Variants in THSD7B observed in about 807,000 individuals in gnomAD.
The protein encoded by THSD7B is thrombospondin type-1 domain-containing protein 7B.
Under a neutral mutation model 213.6 loss-of-function variants are expected in THSD7B, and 138 were observed. The ratio of observed to expected loss-of-function variants is 0.65; its 90% CI spans 0.56 to 0.74. The LOEUF (loss-of-function observed/expected upper bound fraction) is 0.74. THSD7B is among the 30% of genes least tolerant of loss of function. THSD7B has a pLI of 0.00. For synonymous variants in THSD7B, 742 were observed against 687.0 expected (o/e 1.08, Z -1.25); for missense variants, 1,931 against 1,991.5 (o/e 0.97, Z 0.58).
chr2:137,276,665 A>G (rs1682882854), intron 12 of THSD7B, among the ~76,000 whole-genome samples: 2 of 152,120 alleles, frequency 1.3e-5, no homozygotes, highest in African/African-American at 4.8e-5. Context: ...TATTTCATTC[A>G]TAATCCAGGT....
chr2:136,834,752 G>A (rs1289301594), intron 1 of THSD7B, among the ~76,000 whole-genome samples: 2 of 152,146 alleles, frequency 1.3e-5, no homozygotes, highest in Non-Finnish European at 2.9e-5. Flanking sequence ...GAGCACAACA[G>A]TTAGCACTGT....
intron 14 of THSD7B, among the ~76,000 whole-genome samples, chr2:137,431,962 C>T (rs1039735865): frequency 9.9e-5 from 15 of 152,162 alleles, no homozygotes; most frequent in African/African-American, 3.4e-4. Flanking sequence ...AACCTACTTC[C>T]TGACTAAGAG....
chr2:137,168,920 G>A (rs1254817380), intron 6 of THSD7B, among the ~76,000 whole-genome samples: 1 of 152,078 alleles, frequency 6.6e-6, no homozygotes, highest in Admixed American at 6.6e-5. Flanking sequence ...TCCTTTCAAG[G>A]TGGCTTAGGA....
chr2:137,455,302 G>T (rs1573635787), intron 15 of THSD7B, among the ~76,000 whole-genome samples: 1 of 152,112 alleles, frequency 6.6e-6, no homozygotes, highest in Non-Finnish European at 1.5e-5. Context: ...GCTGTGATTT[G>T]TCATTAGAAT....
Position 137,148,402 on chromosome 2 carries a change from CTG to C in THSD7B, c.1370-11810_1370-11809del, listed in dbSNP as rs542514211. Among the ~76,000 whole-genome samples, 65 of 152,180 alleles carry C rather than the reference CTG, an allele frequency of 4.3e-4. 1 individual carries two copies. The highest frequency in any genetic ancestry group is 1.5e-3 in the African/African-American group (62 of 41,528). On this transcript the variant is annotated intron_variant, in intron 5 of 27. Coordinates refer to ENST00000409968, the MANE Select transcript of THSD7B (RefSeq NM_001316349.2). ...AACTGGTACTGCAGAGAGTGGGGCA[CTG>C]CTGTAAAGATACCTGAAAATGTGGA... is the stretch of plus-strand genomic sequence containing the variant.
chr2:137,321,091 G>T lies in THSD7B; in HGVS notation c.2500+45065G>T, dbSNP rs1266508776. The stretch of plus-strand genomic sequence containing the variant: ...AGATAAGTGAGATTAGTTATATAAA[G>T]TCCTCACAAAGAAGTCAGCCCATAT... On this transcript the variant is annotated intron_variant, in intron 12 of 27. Transcript: ENST00000409968. Among the ~76,000 whole-genome samples the T allele has an allele frequency of 2.0e-5, 3 of 152,210 alleles. No homozygotes were observed. In the South Asian group the frequency reaches 6.2e-4, roughly 31 times the overall value.
intron 15 of THSD7B, among the ~76,000 whole-genome samples, chr2:137,453,592 G>A (rs1379471531): frequency 6.6e-6 from 1 of 152,012 alleles, no homozygotes; most frequent in Non-Finnish European, 1.5e-5. Flanking sequence ...GCCTCCCAAA[G>A]TGCTGGGATT....
intron 21 of THSD7B, among the ~76,000 whole-genome samples, chr2:137,649,340 A>C (rs982835108): frequency 7.2e-5 from 11 of 152,188 alleles, no homozygotes; most frequent in Admixed American, 4.6e-4. Flanking sequence ...AAGAAAAAAA[A>C]TCTTTTCCCA....
chr2:136,912,841 T>C (rs1294107287), intron 2 of THSD7B, among the ~76,000 whole-genome samples: 1 of 152,186 alleles, frequency 6.6e-6, no homozygotes, highest in Non-Finnish European at 1.5e-5. Flanking sequence ...AAACCTCTTT[T>C]TCTTCCCAGT....
At chr2:136,870,506 T>G (rs1386115453) in intron 1 of THSD7B, among the ~76,000 whole-genome samples, 1 of 152,216 alleles carries the variant, frequency 6.6e-6, no homozygotes. Context: ...CAATTTTAAG[T>G]ACACTAAATT....
intron 14 of THSD7B, among the ~76,000 whole-genome samples, chr2:137,441,629 A>G (rs1352118602): frequency 2.0e-5 from 3 of 152,112 alleles, no homozygotes; most frequent in Non-Finnish European, 4.4e-5. Context: ...CAGCCCAGTT[A>G]AGGGGCTATT....
chr2:137,604,048 T>A (rs1682124327), intron 17 of THSD7B, among the ~76,000 whole-genome samples: 3 of 152,006 alleles, frequency 2.0e-5, no homozygotes. Flanking sequence ...GAGGTGGAGA[T>A]TGCGCCACTG....
At chr2:136,821,161 T>C (rs1179891766) in intron 1 of THSD7B, among the ~76,000 whole-genome samples, 1 of 152,214 alleles carries the variant, frequency 6.6e-6, no homozygotes, top group African/African-American at 2.4e-5. Flanking sequence ...GTGGTAGGTA[T>C]GACTGGCCAG....
At position 137,571,784 on chromosome 2, in the gene THSD7B, A is replaced by G. The variant is rs1681359574; in HGVS notation, c.3273-622A>G. Among the ~76,000 whole-genome samples, 2 of 152,194 alleles carry G rather than the reference A, an allele frequency of 1.3e-5. 1 individual carries two copies. Among genetic ancestry groups the G allele is most frequent in the South Asian group, 4.1e-4 (2 of 4,836 alleles). ...TGCATACATCTGTGCTATGTGATTA[A>G]TTGCTGCATGAAAATACTTGCTCAT... is the stretch of plus-strand genomic sequence containing the variant. On this transcript the variant is annotated intron_variant, in intron 16 of 27. Coordinates refer to ENST00000409968, the MANE Select transcript of THSD7B (RefSeq NM_001316349.2).
At chr2:137,362,295 A>G (rs1354695922) in intron 12 of THSD7B, among the ~76,000 whole-genome samples, 1 of 152,216 alleles carries the variant, frequency 6.6e-6, no homozygotes, top group African/African-American at 2.4e-5. Flanking sequence ...AATTGTAAAG[A>G]CCATCGATGC....
intron 2 of THSD7B, among the ~76,000 whole-genome samples, chr2:137,046,484 C>T (rs570252250): frequency 6.6e-6 from 1 of 152,166 alleles, no homozygotes; most frequent in East Asian, 1.9e-4. Flanking sequence ...CATCCCAGCA[C>T]TTTGGGAAGG....
At chr2:137,671,250 A>ATT (rs1239385476) in intron 27 of THSD7B, among the ~76,000 whole-genome samples, 19,319 of 108,242 alleles carry the variant, frequency 0.18, 1,527 homozygotes, top group East Asian at 0.23. Context: ...TTTTTTTTAA[A>ATT]AAAAAAAAAA....
At chr2:137,025,838 C>A (rs1289930916) in intron 2 of THSD7B, among the ~76,000 whole-genome samples, 1 of 152,010 alleles carries the variant, frequency 6.6e-6, no homozygotes, top group Non-Finnish European at 1.5e-5. Flanking sequence ...TGCACACTAC[C>A]AATTATAATA....
At chr2:137,015,407 C>T (rs531834011) in intron 2 of THSD7B, among the ~76,000 whole-genome samples, 3 of 152,242 alleles carry the variant, frequency 2.0e-5, no homozygotes, top group East Asian at 1.9e-4. Context: ...TAATCTCTCA[C>T]GTGTCCTCAG....
Sources: gnomAD v4.1 joint callset for allele counts (sites outside exome capture counted in the v4.1 genomes callset) on GRCh38, gnomAD v4.1.1 for gene constraint, MANE v1.5 for transcripts, NCBI Gene and HGNC (gene_info 2026-07-23, HGNC 2026-07-21) for gene names.